The following HEPACAM2 variants were observed in gnomAD, a reference collection of about 807,000 sequenced individuals.
HEPACAM2 encodes the protein mitotic kinetics regulator.
HEPACAM2 carries 49 observed loss-of-function variants against 49.6 expected under a neutral mutation model. The observed-to-expected ratio is 0.99, with a 90% CI of 0.78 to 1.25. The LOEUF is 1.25. Ranked by LOEUF, HEPACAM2 falls within the 50% of genes most tolerant of loss-of-function variation. The probability of loss-of-function intolerance (pLI) is 0.00; values close to 1 mark genes in which losing one functional copy is unlikely to be tolerated. For missense variants in HEPACAM2, 525 were observed against 557.2 expected, an observed-to-expected ratio of 0.94 and a Z score of 0.58; for synonymous variants, 197 against 202.9, an observed-to-expected ratio of 0.97 and a Z score of 0.25.
intron 8 of HEPACAM2, among the ~76,000 whole-genome samples, chr7:93,195,095 C>T (rs1793656247): frequency 6.6e-6 from 1 of 151,738 alleles, no homozygotes; most frequent in Non-Finnish European, 1.5e-5. Context: ...ATTGTCTTTG[C>T]AATGTTGTCA....
chr7:93,208,995 G>T, intron 3 of HEPACAM2, 119 bp from the exon 4 acceptor site: 1 of 752,214 alleles, frequency 1.3e-6, no homozygotes, highest in Non-Finnish European at 2.1e-6. Context: ...AGAATTGGAC[G>T]AGCAGGTCCT....
intron 2 of HEPACAM2, 144 bp from the exon 3 acceptor site, chr7:93,215,829 A>G (rs1794295992): frequency 1.3e-6 from 1 of 744,324 alleles, no homozygotes; most frequent in South Asian, 2.2e-5. Context: ...TAATAACTAA[A>G]GAAGAGAAGA....
intron 9 of HEPACAM2, among the ~76,000 whole-genome samples, chr7:93,191,088 C>T (rs921841519): frequency 3.3e-5 from 5 of 151,984 alleles, no homozygotes; most frequent in Non-Finnish European, 7.4e-5. Flanking sequence ...CAAACTTCCC[C>T]TAGTTTTCTA....
rs1318147229 is a variant in HEPACAM2, at chr7:93,214,259, T to A, written c.715+1142A>T. Among the ~76,000 whole-genome samples the A allele has an allele frequency of 2.0e-5, 3 of 152,192 alleles. No individual in the cohort carries two copies. The East Asian group carries it at 5.8e-4, about 29-fold the overall frequency. ...AGTGAATGAATGAATATCAATAAGATGAGATGTTGACCAAGTGAAGAATTC... is the reference window on the plus strand; with the variant it reads ...AGTGAATGAATGAATATCAATAAGAAGAGATGTTGACCAAGTGAAGAATTC... On this transcript the variant is annotated intron_variant, in intron 3 of 9. Transcript: ENST00000394468.
chr7:93,210,641 G>A (rs756515610), intron 3 of HEPACAM2, among the ~76,000 whole-genome samples: 1 of 151,906 alleles, frequency 6.6e-6, no homozygotes, highest in Non-Finnish European at 1.5e-5. Flanking sequence ...ATAGAGGTAT[G>A]AGACATTCAT....
At chr7:93,229,201 A>G (rs926088149), upstream of HEPACAM2, among the ~76,000 whole-genome samples, 7 of 152,196 alleles carry the variant, frequency 4.6e-5, no homozygotes, top group African/African-American at 1.7e-4. Context: ...GTTTACAGGG[A>G]GAGTTAGCTG....
At chr7:93,197,995 T>C (rs987590741) in intron 4 of HEPACAM2, among the ~76,000 whole-genome samples, 2 of 152,114 alleles carry the variant, frequency 1.3e-5, no homozygotes, top group South Asian at 2.1e-4. Context: ...TTTAGCATAA[T>C]TCAAGTATGT....
chr7:93,225,822 A>T (rs192762303), intron 1 of HEPACAM2: 496 of 727,406 alleles, frequency 6.8e-4, no homozygotes, highest in Non-Finnish European at 1.0e-3. Context: ...TGGAGTAACA[A>T]TCTTTTCAAA....
upstream of HEPACAM2, among the ~76,000 whole-genome samples, chr7:93,228,518 A>G (rs943730142): frequency 3.3e-5 from 5 of 152,044 alleles, no homozygotes; most frequent in African/African-American, 1.2e-4. Context: ...AAGAGTGCTC[A>G]AGCTTAACTT....
intron 4 of HEPACAM2, among the ~76,000 whole-genome samples, chr7:93,198,220 CTT>C (rs1204720838): frequency 6.6e-6 from 1 of 152,072 alleles, no homozygotes; most frequent in Non-Finnish European, 1.5e-5. Context: ...CTAGAATTCA[CTT>C]TGTTTTATCA....
intron 1 of HEPACAM2, among the ~76,000 whole-genome samples, chr7:93,223,529 T>G (rs1794488190): frequency 6.6e-6 from 1 of 152,186 alleles, no homozygotes; most frequent in Non-Finnish European, 1.5e-5. Flanking sequence ...AAAATTAGTT[T>G]TGGGGTCTAT....
intron 4 of HEPACAM2, chr7:93,205,755 C>A (rs568121584): frequency 6.6e-6 from 1 of 152,148 alleles, no homozygotes; most frequent in Admixed American, 6.5e-5. Flanking sequence ...AAATATTTAA[C>A]AAAACACATC....
At chr7:93,231,727 G>A in the HEPACAM2 span, among the ~76,000 whole-genome samples, 2 of 152,130 alleles carry the variant, frequency 1.3e-5, no homozygotes, top group African/African-American at 4.8e-5. Flanking sequence ...CGTTATTGTC[G>A]TATTTCCCGT....
At chr7:93,197,196 A>G in intron 7 of HEPACAM2, 45 bp downstream of exon 7, 1 of 1,414,332 alleles carries the variant, frequency 7.1e-7, no homozygotes, top group Non-Finnish European at 9.7e-7. Context: ...CAACTAATTA[A>G]CATACATTAA....
At chr7:93,204,838 G>A (rs1230341446) in intron 4 of HEPACAM2, among the ~76,000 whole-genome samples, 1 of 152,104 alleles carries the variant, frequency 6.6e-6, no homozygotes, top group Non-Finnish European at 1.5e-5. Flanking sequence ...GGTGGCTCAC[G>A]CCTGTAATCC....
At chr7:93,193,352 G>A (rs1479454954) in intron 8 of HEPACAM2, among the ~76,000 whole-genome samples, 2 of 152,070 alleles carry the variant, frequency 1.3e-5, no homozygotes, top group Non-Finnish European at 2.9e-5. Context: ...TTTGGTTTAC[G>A]ATCTATCCTT....
chr7:93,226,640 G>A, upstream of HEPACAM2: 2 of 410,868 alleles, frequency 4.9e-6, no homozygotes, highest in Non-Finnish European at 4.3e-6. Context: ...CAGGCTTATG[G>A]CTTTCAGAAG....
chr7:93,213,788 A>G (rs1158733397), intron 3 of HEPACAM2, among the ~76,000 whole-genome samples: 3 of 152,082 alleles, frequency 2.0e-5, no homozygotes, highest in Admixed American at 6.6e-5. Context: ...TGAACCTGTT[A>G]GTGACACTGA....
Position 93,189,054 on chromosome 7 carries a change from A to G in HEPACAM2, c.*213T>C. 2 of 490,410 alleles carry G rather than the reference A, an allele frequency of 4.1e-6. No individual in the cohort carries two copies. Among genetic ancestry groups the G allele is most frequent in the Non-Finnish European group, 7.2e-6 (2 of 277,100 alleles). 30.4% of individuals were successfully genotyped at this position (490,410 alleles called of 1,614,324 possible). ...CTCCACTGAGGAATATTTCCCCAAC[A>G]TGTTTTTCTGTTGCACAAGACATTG... On this transcript the variant is annotated 3_prime_UTR_variant, in exon 10 of 10. Coordinates refer to ENST00000394468, the MANE Select transcript of HEPACAM2 (RefSeq NM_001039372.4).
Sources: gnomAD v4.1 joint callset for allele counts (sites outside exome capture counted in the v4.1 genomes callset) on GRCh38, gnomAD v4.1.1 for gene constraint, MANE v1.5 for transcripts, NCBI Gene and HGNC (gene_info 2026-07-23, HGNC 2026-07-21) for gene names.